The following ANXA3 variants were observed in gnomAD, a reference collection of about 807,000 sequenced individuals.
ANXA3 encodes 35-alpha calcimedin.
ANXA3 carries 46 observed loss-of-function variants against 48.8 expected under a neutral mutation model. That is an observed-to-expected ratio of 0.94 (90% CI 0.74 to 1.21). The LOEUF (loss-of-function observed/expected upper bound fraction) is 1.21. Among genes scored for constraint, ANXA3 ranks in the 50% most tolerant of loss-of-function variants. The pLI, the probability that ANXA3 is intolerant of heterozygous loss-of-function variation, is 0.00. For synonymous variants in ANXA3, 128 were observed against 134.7 expected (o/e 0.95, Z 0.35); for missense variants, 383 against 378.6 (o/e 1.01, Z -0.10).
chr4:78,586,141 C>A (rs1175688187), intron 5 of ANXA3, 119 bp from the exon 6 acceptor site: 8 of 590,724 alleles, frequency 1.4e-5, no homozygotes, highest in African/African-American at 3.8e-5. Context: ...CAATAGAGAA[C>A]CTTGTATTGA....
At chr4:78,578,381 G>A (rs1302427708) in intron 3 of ANXA3, among the ~76,000 whole-genome samples, 1 of 148,132 alleles carries the variant, frequency 6.8e-6, no homozygotes, top group African/African-American at 2.5e-5. Context: ...AAAGAAGGAA[G>A]GGAGGGAGGG....
chr4:78,597,354 A>G lies in ANXA3; in HGVS notation c.670A>G (p.Ile224Val), dbSNP rs1723443551. ...DEYRNISQKD[I>V]VDSIKGELSG... ...ATACAGAAATATCAGCCAAAAGGAC[A>G]TTGTGGACAGCATAAAAGGAGAATT... The change falls in exon 10 of 13, where the codon ATT (isoleucine) becomes GTT (valine). Residue 224 changes from isoleucine (I) to valine (V), a missense_variant. By Grantham distance (29) the Ile-to-Val change is conservative. Transcript: ENST00000264908. 1.2e-6 allele frequency: 2 copies of G among 1,610,998 alleles called. No individual in the cohort carries two copies. Among genetic ancestry groups the G allele is most frequent in the Non-Finnish European group, 1.7e-6 (2 of 1,178,982 alleles).
intron 5 of ANXA3, 21 bp downstream of exon 5, chr4:78,582,311 A>G (rs1434977447): frequency 1.3e-6 from 2 of 1,524,898 alleles, no homozygotes; most frequent in African/African-American, 1.4e-5. Context: ...CCCACAAGCC[A>G]TTTCTGCCCA....
intron 12 of ANXA3, among the ~76,000 whole-genome samples, chr4:78,607,440 C>T (rs1251936910): frequency 1.3e-5 from 2 of 151,874 alleles, no homozygotes; most frequent in African/African-American, 4.8e-5. Context: ...AGGGGGTAAC[C>T]GGTGGGAAGG....
chr4:78,578,034 T>A (rs1311548465), intron 3 of ANXA3, among the ~76,000 whole-genome samples: 3 of 151,802 alleles, frequency 2.0e-5, no homozygotes, highest in Non-Finnish European at 4.4e-5. Flanking sequence ...ATCCCGGCAC[T>A]TTGGAAGGCT....
chr4:78,598,107 G>A (rs900438610), intron 10 of ANXA3, among the ~76,000 whole-genome samples: 2 of 151,764 alleles, frequency 1.3e-5, no homozygotes, highest in African/African-American at 4.8e-5. Context: ...GAGGTGGAAG[G>A]ATTGCTGGAG....
At chr4:78,580,032 TA>T (rs1578397130) in intron 4 of ANXA3, among the ~76,000 whole-genome samples, 1 of 152,276 alleles carries the variant, frequency 6.6e-6, no homozygotes, top group East Asian at 1.9e-4. Flanking sequence ...GGAGATATCC[TA>T]GACATTGGAA....
chr4:78,579,146 C>T (rs1403327596), intron 4 of ANXA3, 25 bp downstream of exon 4: 11 of 1,505,268 alleles, frequency 7.3e-6, no homozygotes, highest in Non-Finnish European at 1.0e-5. Flanking sequence ...ACATGACAGG[C>T]AGTAAAGAGA....
intron 5 of ANXA3, among the ~76,000 whole-genome samples, chr4:78,582,648 G>A (rs1723095535): frequency 6.6e-6 from 1 of 152,062 alleles, no homozygotes; most frequent in African/African-American, 2.4e-5. Context: ...CTATCAGCAA[G>A]TTCCTTAGTT....
rs1723443735 is a variant in ANXA3 at position 78,597,367 on chromosome 4, T to C, written c.683T>C (p.Ile228Thr). ...NISQKDIVDSIKGELSGHFED... is the reference protein window; with the variant it reads ...NISQKDIVDSTKGELSGHFED... ...AGCCAAAAGGACATTGTGGACAGCA[T>C]AAAAGGAGAATTATCTGGGCATTTT... The change falls in exon 10 of 13, where the codon ATA becomes ACA. Residue 228 changes from isoleucine to threonine, a missense_variant. Coordinates refer to ENST00000264908, the MANE Select transcript of ANXA3 (RefSeq NM_005139.3). 1.2e-6 allele frequency: 2 copies of C among 1,611,008 alleles called. No homozygotes were observed. Among genetic ancestry groups the C allele is most frequent in the South Asian group, 1.1e-5 (1 of 90,186 alleles).
At position 78,582,189 on chromosome 4, in the gene ANXA3, G is replaced by A; in HGVS notation, c.211G>A (p.Asp71Asn). The part of the protein sequence containing the change: ...QAAYGKELKD[D>N]LKGDLSGHFE... ...TTTTTGATTTTAGGAGCTGAAAGAT[G>A]ACTTGAAGGGTGATCTCTCTGGCCA... Residue 71 changes from aspartate (D) to asparagine (N), a missense_variant, in exon 5 of 13, where the codon GAC becomes AAC. Transcript: ENST00000264908. The A allele has an allele frequency of 1.2e-6, 2 of 1,605,120 alleles. No individual in the cohort carries two copies. The highest frequency in any genetic ancestry group is 2.7e-5 in the African/African-American group (2 of 74,764).
intron 4 of ANXA3, among the ~76,000 whole-genome samples, chr4:78,579,721 G>A (rs1312214100): frequency 6.6e-6 from 1 of 152,146 alleles, no homozygotes; most frequent in Non-Finnish European, 1.5e-5. Flanking sequence ...CTGAGATCAG[G>A]AGTTTGAGAC....
chr4:78,578,555 G>A (rs1008427580), intron 3 of ANXA3, among the ~76,000 whole-genome samples: 10 of 152,080 alleles, frequency 6.6e-5, no homozygotes, highest in Non-Finnish European at 1.2e-4. Flanking sequence ...TTAGTACAGC[G>A]GGCCCCTGTG....
intron 2 of ANXA3, among the ~76,000 whole-genome samples, chr4:78,556,375 G>C (rs184724764): frequency 6.6e-6 from 1 of 152,228 alleles, no homozygotes; most frequent in Non-Finnish European, 1.5e-5. Flanking sequence ...GAGGGATTCT[G>C]TTTAAAAGAA....
chr4:78,552,525 T>G (rs1722418629), intron 1 of ANXA3, among the ~76,000 whole-genome samples: 1 of 152,190 alleles, frequency 6.6e-6, no homozygotes, highest in African/African-American at 2.4e-5. Context: ...AATCATTCCC[T>G]TGGTATTTGA....
rs905101615 is a variant in ANXA3 at position 78,610,330 on chromosome 4, T to C, written c.*215T>C. The C allele has an allele frequency of 1.4e-5, 5 of 367,284 alleles. No individual in the cohort carries two copies. Among genetic ancestry groups the C allele is most frequent in the Non-Finnish European group, 2.4e-5 (5 of 204,582 alleles). 22.8% of individuals were successfully genotyped at this position (367,284 alleles called of 1,614,324 possible). A position where few individuals can be genotyped will look rare whatever the true frequency, so the allele number is the denominator to read the frequency against. On this transcript the variant is annotated 3_prime_UTR_variant, in exon 13 of 13. Transcript: ENST00000264908. ...AGCTCATAAATGAAATTGAAAATGG[T>C]ATTAAAGATCTGCAACTACTATCCA...
chr4:78,595,411 G>A lies in ANXA3; in HGVS notation c.514G>A (p.Glu172Lys). Residue 172 changes from glutamate (E) to lysine (K), a missense_variant, in exon 8 of 13, where the codon GAG (glutamate) becomes AAG (lysine). Glu to Lys is a moderately conservative substitution (Grantham distance 56, BLOSUM62 1). Coordinates refer to ENST00000264908, the MANE Select transcript of ANXA3 (RefSeq NM_005139.3). ...AAGAGATGAAAGTCTGAAAGTGGAT[G>A]AGCATCTGGCCAAACAAGATGCCCA... ...GRRDESLKVD[E>K]HLAKQDAQIL... 1.9e-6 allele frequency: 3 copies of A among 1,613,518 alleles called. No homozygotes were observed. The highest frequency in any genetic ancestry group is 1.1e-5 in the South Asian group (1 of 90,868).
chr4:78,557,477 T>C (rs1722538784), intron 2 of ANXA3, among the ~76,000 whole-genome samples: 1 of 152,144 alleles, frequency 6.6e-6, no homozygotes, highest in African/African-American at 2.4e-5. Flanking sequence ...TTCCCAAGGA[T>C]TATGATGTAT....
chr4:78,581,817 C>A (rs1723074972), intron 4 of ANXA3, among the ~76,000 whole-genome samples: 1 of 152,136 alleles, frequency 6.6e-6, no homozygotes, highest in Non-Finnish European at 1.5e-5. Context: ...AAGAGAGCAC[C>A]TCCCACTGAA....
Sources: allele counts gnomAD v4.1 joint callset (sites outside exome capture counted in the v4.1 genomes callset), GRCh38; gene constraint gnomAD v4.1.1; transcripts MANE v1.5; gene names NCBI Gene and HGNC (gene_info 2026-07-23, HGNC 2026-07-21).